The following PDF variants were observed in gnomAD, a reference collection of about 807,000 sequenced individuals.
PDF encodes the protein peptide deformylase, mitochondrial.
Under a neutral mutation model 20.3 loss-of-function variants are expected in PDF, and 31 were observed. The observed-to-expected ratio is 1.52, with a 90% CI of 1.15 to 2.06. PDF has a LOEUF of 2.06. Among genes scored for constraint, PDF ranks in the 30% most tolerant of loss-of-function variants. PDF has a pLI of 0.00. For missense variants in PDF, 447 were observed against 362.5 expected, an observed-to-expected ratio of 1.23 and a Z score of -1.89; for synonymous variants, 254 against 172.0, an observed-to-expected ratio of 1.48 and a Z score of -3.73.
In PDF at chr16:69,330,055, G is replaced by A. The variant is rs1422140195; in HGVS notation, c.516C>T (p.Cys172=). ...AGGCCAGGAAGCCGGCGACGCTCTC[G>A]CAGCCCTCGGGAAAGGTGACCAGGC... ...DSRLVTFPEG[C]ESVAGFLACV... The change falls in exon 1 of 2, where the codon TGC becomes TGT. Residue 172 remains cysteine (C), a synonymous_variant. Transcript: ENST00000288022. 1.9e-6 allele frequency: 3 copies of A among 1,553,816 alleles called. No homozygotes were observed. Among genetic ancestry groups the A allele is most frequent in the African/African-American group, 2.8e-5 (2 of 72,134 alleles).
In PDF at chr16:69,330,015, G is replaced by A. The variant is rs991720501; in HGVS notation, c.556C>T (p.Gln186Ter). The change falls in exon 1 of 2, where the codon CAG (glutamine) becomes TAG (stop). Residue 186 changes from glutamine (Q) to a stop codon, truncating the protein, a stop_gained. Coordinates refer to ENST00000288022, the MANE Select transcript of PDF (RefSeq NM_022341.2). LOFTEE classifies it high-confidence loss of function. ...AGFLACVPRF[Q>*]AVQISGLDPN... ...CCCGCACCTGAGATCTGCACCGCCT[G>A]GAAGCGGGGCACGCAGGCCAGGAAG... 4 of 1,540,352 alleles carry A rather than the reference G, an allele frequency of 2.6e-6. No homozygotes were observed. Among genetic ancestry groups the A allele is most frequent in the Non-Finnish European group, 3.5e-6 (4 of 1,143,296 alleles).
rs948841620 is a variant in PDF, at chr16:69,330,551, G to T, written c.20C>A (p.Ala7Glu). 1.4e-6 allele frequency: 2 copies of T among 1,469,284 alleles called. No individual in the cohort carries two copies. Among genetic ancestry groups the T allele is most frequent in the East Asian group, 2.9e-5 (1 of 34,716 alleles). The allele number at this position is 1,469,284 out of a possible 1,614,324, so 91.0% of individuals were successfully genotyped here. Reference protein sequence around the residue: MARLWGALSLWPLWAAV... With the variant: MARLWGELSLWPLWAAV... ...CGCCCACAGTGGCCAAAGACTCAGC[G>T]CGCCCCACAGCCGGGCCATGGCGGC... is the stretch of plus-strand genomic sequence containing the variant. Residue 7 changes from alanine (A) to glutamate (E), a missense_variant, in exon 1 of 2, where the codon GCG (alanine) becomes GAG (glutamate). Physicochemically the swap from Ala to Glu is moderately radical, Grantham distance 107. Coordinates refer to ENST00000288022, the MANE Select transcript of PDF (RefSeq NM_022341.2).
chr16:69,329,003 C>G lies in PDF; in HGVS notation c.*19G>C. 6.3e-7 allele frequency: 1 copy of G among 1,597,364 alleles called. No homozygotes were observed. The highest frequency in any genetic ancestry group is 1.7e-4 in the Middle Eastern group (1 of 6,026). ...TTTGCGTCTTGGTATCCGGAATCCT[C>G]AGCCCCAGTAGCAAAGCTTTAGTCA... is the stretch of plus-strand genomic sequence containing the variant. On this transcript the variant is annotated 3_prime_UTR_variant, in exon 2 of 2. Transcript: ENST00000288022.
rs1397833385 is a variant in PDF, at chr16:69,327,158, CCCTTTTTTTT to C, written c.*1854_*1863del. The C allele has an allele frequency of 1.5e-5, 2 of 137,050 alleles. No individual in the cohort carries two copies. Among genetic ancestry groups the C allele is most frequent in the Non-Finnish European group, 3.1e-5 (2 of 64,432 alleles). The allele number at this position is 137,050 out of a possible 1,614,324, so 8.5% of individuals were successfully genotyped here. On this transcript the variant is annotated 3_prime_UTR_variant, in exon 2 of 2. Coordinates refer to ENST00000288022, the MANE Select transcript of PDF (RefSeq NM_022341.2). ...CTTGCACCAGTATCTGGTTGGGATTCCCTTTTTTTTTTTTTTTTTTTTTTTTTGAGACAGA... is the reference window on the plus strand; with the variant it reads ...CTTGCACCAGTATCTGGTTGGGATTCTTTTTTTTTTTTTTTTTGAGACAGA...
intron 1 of PDF, 68 bp from the exon 2 acceptor site, chr16:69,329,247 C>T (rs1397546952): frequency 2.1e-6 from 3 of 1,447,790 alleles, no homozygotes; most frequent in Non-Finnish European, 1.8e-6. Context: ...CCTCCCTACC[C>T]CTGCCCCCGG....
chr16:69,329,642 C>A (rs1358887022), intron 1 of PDF, among the ~76,000 whole-genome samples: 2 of 152,238 alleles, frequency 1.3e-5, no homozygotes, highest in African/African-American at 4.8e-5. Context: ...ATGGCCTAGC[C>A]CCCTGGGCTG....
rs533684874 is a variant in PDF, at chr16:69,328,073, G to C, written c.*949C>G. 6.6e-6 allele frequency: 1 copy of C among 152,096 alleles called. No homozygotes were observed. The highest frequency in any genetic ancestry group is 2.4e-5 in the African/African-American group (1 of 41,398). 9.4% of individuals were successfully genotyped at this position (152,096 alleles called of 1,614,324 possible). On this transcript the variant is annotated 3_prime_UTR_variant, in exon 2 of 2. Transcript: ENST00000288022. ...AAGTAATTCTCTGCCTTGGCTTCAC[G>C]AGTAGCTGGGATTACAGGTGCTCGC...
At position 69,327,711 on chromosome 16, in the gene PDF, GT is replaced by G. The variant is rs759758378; in HGVS notation, c.*1310del. ...CTCAGCATAAAAATGAGGTGAAACA[GT>G]TTAACTAAAACTGGAGTTTGGCTGG... is the stretch of plus-strand genomic sequence containing the variant. On this transcript the variant is annotated 3_prime_UTR_variant, in exon 2 of 2. Transcript: ENST00000288022. 1.3e-5 allele frequency: 2 copies of G among 152,002 alleles called. No homozygotes were observed. Among genetic ancestry groups the G allele is most frequent in the Admixed American group, 1.3e-4 (2 of 15,248 alleles). The allele number at this position is 152,002 out of a possible 1,614,324, so 9.4% of individuals were successfully genotyped here. A position where few individuals can be genotyped will look rare whatever the true frequency, so the allele number is the denominator to read the frequency against.
chr16:69,330,184 C>A lies in PDF; in HGVS notation c.387G>T (p.Glu129Asp). 6.7e-7 allele frequency: 1 copy of A among 1,487,748 alleles called. No individual in the cohort carries two copies. Among genetic ancestry groups the A allele is most frequent in the East Asian group, 2.8e-5 (1 of 35,530 alleles). The allele number at this position is 1,487,748 out of a possible 1,614,324, so 92.2% of individuals were successfully genotyped here. The change falls in exon 1 of 2, where the codon GAG (glutamate) becomes GAT (aspartate). Residue 129 changes from glutamate to aspartate, a missense_variant. Glu to Asp is a conservative substitution (Grantham distance 45, BLOSUM62 2). Transcript: ENST00000288022. ...PRQVLALELP[E>D]ALCRECPPRQ... ...GGGGCGGGCACTCCCGACACAGCGCCTCGGGGAGCTCCAGCGCCAGCACCT... is the reference window on the plus strand; with the variant it reads ...GGGGCGGGCACTCCCGACACAGCGCATCGGGGAGCTCCAGCGCCAGCACCT...
intron 1 of PDF, among the ~76,000 whole-genome samples, chr16:69,329,605 C>T (rs1965719367): frequency 6.6e-6 from 1 of 152,228 alleles, no homozygotes; most frequent in Non-Finnish European, 1.5e-5. Flanking sequence ...CCGCATTCCG[C>T]GAGGCATCCT....
chr16:69,330,011 G>T lies in PDF; in HGVS notation c.560C>A (p.Ala187Glu). The T allele has an allele frequency of 6.5e-7, 1 of 1,539,084 alleles. No homozygotes were observed. Residue 187 changes from alanine (A) to glutamate (E), a missense_variant, in exon 1 of 2, where the codon GCG becomes GAG. Coordinates refer to ENST00000288022, the MANE Select transcript of PDF (RefSeq NM_022341.2). ...GCCGCCCGCACCTGAGATCTGCACC[G>T]CCTGGAAGCGGGGCACGCAGGCCAG... Reference protein sequence around the residue: ...GFLACVPRFQAVQISGLDPNG... With the variant: ...GFLACVPRFQEVQISGLDPNG...
rs185591591 is a variant in PDF at position 69,329,336 on chromosome 16, C to T, written c.575-157G>A. Among the ~76,000 whole-genome samples, 850 of 152,344 alleles carry T rather than the reference C, an allele frequency of 5.6e-3. 5 individuals carry two copies. The highest frequency in any genetic ancestry group is 9.2e-3 in the Non-Finnish European group (626 of 68,034). ...AGCTCCTCTTCTAACTGGAAAACGT[C>T]CCTCATCTCGGTCCATTACCAAGCG... On this transcript the variant is annotated intron_variant, in intron 1 of 1. Coordinates refer to ENST00000288022, the MANE Select transcript of PDF (RefSeq NM_022341.2).
rs866278829 is a variant in PDF, at chr16:69,328,766, C to T, written c.*256G>A. 46 of 468,292 alleles carry T rather than the reference C, an allele frequency of 9.8e-5. No individual in the cohort carries two copies. The highest frequency in any genetic ancestry group is 1.5e-4 in the Non-Finnish European group (41 of 268,072). 29.0% of individuals were successfully genotyped at this position (468,292 alleles called of 1,614,324 possible). ...CGAATGCAATTACCCCACCTTCCTC[C>T]ATACAGAATTGTTAGGAAATGTCCA... On this transcript the variant is annotated 3_prime_UTR_variant, in exon 2 of 2. Coordinates refer to ENST00000288022, the MANE Select transcript of PDF (RefSeq NM_022341.2).
At chr16:69,329,510 C>T (rs953328147) in intron 1 of PDF, among the ~76,000 whole-genome samples, 2 of 152,340 alleles carry the variant, frequency 1.3e-5, no homozygotes, top group Middle Eastern at 3.4e-3. Context: ...AGAGGTTCTG[C>T]AGCTTGAGAC....
intron 1 of PDF, 78 bp downstream of exon 1, chr16:69,329,919 C>A: frequency 7.1e-7 from 1 of 1,417,724 alleles, no homozygotes; most frequent in Non-Finnish European, 9.2e-7. Flanking sequence ...TGAACCGCGA[C>A]CACTTCTGCG....
In PDF at chr16:69,329,103, G is replaced by C. The variant is rs575566111; in HGVS notation, c.651C>G (p.Asp217Glu). 1 of 1,611,750 alleles carries C rather than the reference G, an allele frequency of 6.2e-7. No individual in the cohort carries two copies. Among genetic ancestry groups the C allele is most frequent in the Non-Finnish European group, 8.5e-7 (1 of 1,179,560 alleles). ...WAARIIQHEM[D>E]HLQGCLFIDK... ...CAATAAACAGGCAGCCCTGCAGGTG[G>C]TCCATCTCGTGCTGGATGATGCGGG... Residue 217 changes from aspartate (D) to glutamate (E), a missense_variant, in exon 2 of 2, where the codon GAC (aspartate) becomes GAG (glutamate). By Grantham distance (45) the Asp-to-Glu change is conservative. Coordinates refer to ENST00000288022, the MANE Select transcript of PDF (RefSeq NM_022341.2).
At chr16:69,329,932 C>T (rs1965733230) in intron 1 of PDF, 65 bp downstream of exon 1, 5 of 1,453,388 alleles carry the variant, frequency 3.4e-6, no homozygotes, top group Non-Finnish European at 4.5e-6. Context: ...CTTCTGCGCT[C>T]TCGCGGAGTC....
At chr16:69,329,229 A>C (rs1323688781) in intron 1 of PDF, 50 bp from the exon 2 acceptor site, 2 of 1,502,582 alleles carry the variant, frequency 1.3e-6, no homozygotes, top group Non-Finnish European at 1.8e-6. Context: ...GAACTGCATC[A>C]TCCTCAACCT....
In PDF at chr16:69,327,803, G is replaced by C. The variant is rs568994885; in HGVS notation, c.*1219C>G. ...GAGGCAGGAGGATTGCCTGAGACCA[G>C]GAATTTGAGGCCAGCCTGGGCAACA... is the stretch of plus-strand genomic sequence containing the variant. On this transcript the variant is annotated 3_prime_UTR_variant, in exon 2 of 2. Transcript: ENST00000288022. 6.6e-6 allele frequency: 1 copy of C among 151,664 alleles called. No homozygotes were observed. 9.4% of individuals were successfully genotyped at this position (151,664 alleles called of 1,614,324 possible).
Sources: gnomAD v4.1 joint callset for allele counts (sites outside exome capture counted in the v4.1 genomes callset) on GRCh38, gnomAD v4.1.1 for gene constraint, MANE v1.5 for transcripts, NCBI Gene and HGNC (gene_info 2026-07-23, HGNC 2026-07-21) for gene names.